The following SATB2 variants were observed in gnomAD, a reference collection of about 807,000 sequenced individuals.
SATB2 encodes the protein DNA-binding protein SATB2.
In SATB2, 1 loss-of-function variant was observed where a neutral mutation model predicts 73.4. That is an observed-to-expected ratio of 0.01 (90% CI 0.00 to 0.06). SATB2 has a LOEUF of 0.06. SATB2 is among the 10% of genes least tolerant of loss of function. The pLI is 1.00. For synonymous variants in SATB2, 397 were observed against 367.0 expected, an observed-to-expected ratio of 1.08 and a Z score of -0.93; for missense variants, 459 against 945.8, an observed-to-expected ratio of 0.49 and a Z score of 6.75.
At chr2:199,386,040 G>C (rs913388310) in intron 3 of SATB2, among the ~76,000 whole-genome samples, 1 of 152,120 alleles carries the variant, frequency 6.6e-6, no homozygotes, top group Non-Finnish European at 1.5e-5. Context: ...ATAGATCCTT[G>C]TAAGTTTCTT....
At chr2:199,327,502 A>G (rs1415063173) in intron 8 of SATB2, among the ~76,000 whole-genome samples, 1 of 152,172 alleles carries the variant, frequency 6.6e-6, no homozygotes, top group African/African-American at 2.4e-5. Flanking sequence ...GCACTCAGAC[A>G]GAACCTGCAA....
chr2:199,391,432 CAA>C lies in SATB2; in HGVS notation c.347-9614_347-9613del, dbSNP rs56190034. 2.3e-3 allele frequency among the ~76,000 whole-genome samples: 227 copies of C among 98,572 alleles called. 1 individual carries two copies. The highest frequency in any genetic ancestry group is 8.4e-3 in the African/African-American group (213 of 25,222). The allele number at this position is 98,572 out of a possible 152,430, so 64.7% of individuals were successfully genotyped here. A position where few individuals can be genotyped will look rare whatever the true frequency, so the allele number is the denominator to read the frequency against. Reference sequence around the variant, plus strand: ...TGGGCGACAGAGCAAGACTCCGTCTCAAAAAAAAAAAAAAAAAAAACAAAAAA... The same window carrying C: ...TGGGCGACAGAGCAAGACTCCGTCTCAAAAAAAAAAAAAAAAAACAAAAAA... On this transcript the variant is annotated intron_variant, in intron 3 of 10. Transcript: ENST00000417098.
rs1323623166 is a variant in SATB2, at chr2:199,328,738, G to C, written c.1346C>G (p.Ser449Cys). Residue 449 changes from serine to cysteine, a missense_variant, in exon 8 of 11, where the codon TCC (serine) becomes TGC (cysteine). Around this residue, in one of 13 missense-constraint regions of SATB2, gnomAD observed 53 missense variants for 70.5 expected, o/e 0.75. Transcript: ENST00000417098. The part of the protein sequence containing the change: ...RSMNPNVSMV[S>C]SASSSPSSSR... ...GGAGCTGGGACTGCTGGAGGCCGAG[G>C]AGACCATGCTCACATTGGGATTCAT... 6.2e-7 allele frequency: 1 copy of C among 1,613,650 alleles called. No homozygotes were observed. The highest frequency in any genetic ancestry group is 1.7e-5 in the Admixed American group (1 of 59,996).
At chr2:199,377,623 T>C (rs1689642690) in intron 5 of SATB2, among the ~76,000 whole-genome samples, 1 of 152,044 alleles carries the variant, frequency 6.6e-6, no homozygotes, top group Non-Finnish European at 1.5e-5. Flanking sequence ...TCTAGTGAAA[T>C]ATAAGGCTGA....
At chr2:199,306,752 C>T (rs1687444218) in intron 10 of SATB2, among the ~76,000 whole-genome samples, 1 of 152,104 alleles carries the variant, frequency 6.6e-6, no homozygotes, top group African/African-American at 2.4e-5. Context: ...TACCTAAATA[C>T]AGGGCCCAAC....
rs144887554 is a variant in SATB2 at position 199,398,734 on chromosome 2, G to A, written c.347-16914C>T. 4.7e-3 allele frequency among the ~76,000 whole-genome samples: 715 copies of A among 152,232 alleles called. 6 individuals carry two copies. Among genetic ancestry groups the A allele is most frequent in the Middle Eastern group, 0.024 (7 of 294 alleles). On this transcript the variant is annotated intron_variant, in intron 3 of 10. Coordinates refer to ENST00000417098, the MANE Select transcript of SATB2 (RefSeq NM_001172509.2). ...AATGTAAACTACTATTATTGTTGAT[G>A]TTACAAAGAGTAAACACAATAATAA...
chr2:199,355,548 C>T (rs185127028), intron 6 of SATB2, among the ~76,000 whole-genome samples: 1 of 151,948 alleles, frequency 6.6e-6, no homozygotes, highest in Non-Finnish European at 1.5e-5. Context: ...GGCACAGATG[C>T]CTGCCAATAA....
intron 10 of SATB2, among the ~76,000 whole-genome samples, chr2:199,300,601 T>G (rs1422585321): frequency 6.6e-6 from 1 of 152,140 alleles, no homozygotes; most frequent in African/African-American, 2.4e-5. Flanking sequence ...GAAGACTTTT[T>G]GTACCGATAT....
intron 3 of SATB2, among the ~76,000 whole-genome samples, chr2:199,420,847 T>G (rs1479342972): frequency 2.0e-5 from 3 of 152,254 alleles, no homozygotes; most frequent in Non-Finnish European, 4.4e-5. Context: ...TGTATACTTA[T>G]TTAATTATGA....
intron 10 of SATB2, among the ~76,000 whole-genome samples, chr2:199,283,146 C>T (rs922076746): frequency 6.7e-5 from 10 of 149,000 alleles, no homozygotes; most frequent in Admixed American, 2.7e-4. Context: ...TGCAATGGTG[C>T]GATCTCGGCT....
chr2:199,464,584 C>T lies in SATB2; in HGVS notation c.-141+252G>A, dbSNP rs984106069. 5.3e-5 allele frequency among the ~76,000 whole-genome samples: 8 copies of T among 152,256 alleles called. No homozygotes were observed. The highest frequency in any genetic ancestry group is 7.4e-5 in the Non-Finnish European group (5 of 68,012). On this transcript the variant is annotated intron_variant, in intron 1 of 11. Transcript: ENST00000260926. The surrounding 1 kb of genome is among the most constrained non-coding windows in gnomAD (Gnocchi z 6.6). ...CCTGGAGGTCTGAGACGCCCCGCGC[C>T]CGACTCACGGCGCGAACACCAGCGC...
intron 5 of SATB2, among the ~76,000 whole-genome samples, chr2:199,375,366 T>C (rs1268295561): frequency 6.6e-6 from 1 of 152,094 alleles, no homozygotes; most frequent in East Asian, 1.9e-4. Flanking sequence ...TAAACACACT[T>C]TGAAAGGTGA....
chr2:199,419,954 T>TA (rs1446219800), intron 3 of SATB2, among the ~76,000 whole-genome samples: 1 of 152,236 alleles, frequency 6.6e-6, no homozygotes, highest in Non-Finnish European at 1.5e-5. Flanking sequence ...TTTAATGAGT[T>TA]AATCTAGTTA....
intron 2 of SATB2, among the ~76,000 whole-genome samples, chr2:199,442,188 T>C (rs1691834963): frequency 1.3e-5 from 2 of 152,208 alleles, no homozygotes; most frequent in Non-Finnish European, 2.9e-5. Flanking sequence ...ATAGGCAGTG[T>C]CTGCCTAGCT....
chr2:199,423,968 T>G (rs2105916964), intron 3 of SATB2: 1 of 152,350 alleles, frequency 6.6e-6, no homozygotes, highest in East Asian at 1.9e-4. Flanking sequence ...GAGGGGGACC[T>G]CTGCGCTGTC....
chr2:199,456,828 G>A (rs1054688127), intron 1 of SATB2, among the ~76,000 whole-genome samples: 28 of 152,128 alleles, frequency 1.8e-4, no homozygotes, highest in Admixed American at 6.5e-5. Flanking sequence ...AAACACAAAA[G>A]CAAAAAGCAT....
rs561847110 is a variant in SATB2 at position 199,313,266 on chromosome 2, A to T, written c.1543-4309T>A. Among the ~76,000 whole-genome samples, 8 of 152,326 alleles carry T rather than the reference A, an allele frequency of 5.3e-5. No homozygotes were observed. In the South Asian group the frequency reaches 1.7e-3, roughly 32 times the overall value. On this transcript the variant is annotated intron_variant, in intron 9 of 10. Transcript: ENST00000417098. ...TGTGAGTCTAAAATTAGTTCAAAAT[A>T]AAAAGTTTTTTTTAGATACAGGAAA... is the stretch of plus-strand genomic sequence containing the variant.
rs976328391 is a variant in SATB2 at position 199,271,708 on chromosome 2, A to C, written c.*503T>G. ...TAATACATAAACAAGTCTTTTCTTT[A>C]AGAACTCATTTCACAGTCTATTCTT... is the stretch of plus-strand genomic sequence containing the variant. On this transcript the variant is annotated 3_prime_UTR_variant, in exon 11 of 11. Coordinates refer to ENST00000417098, the MANE Select transcript of SATB2 (RefSeq NM_001172509.2). The C allele has an allele frequency of 1.3e-5, 2 of 154,246 alleles. No homozygotes were observed. Among genetic ancestry groups the C allele is most frequent in the African/African-American group, 4.8e-5 (2 of 41,454 alleles). The allele number at this position is 154,246 out of a possible 1,614,324, so 9.6% of individuals were successfully genotyped here. A position where few individuals can be genotyped will look rare whatever the true frequency, so the allele number is the denominator to read the frequency against.
chr2:199,432,384 T>C (rs1459319611), intron 3 of SATB2, among the ~76,000 whole-genome samples: 1 of 152,216 alleles, frequency 6.6e-6, no homozygotes, highest in East Asian at 1.9e-4. Flanking sequence ...AGTATCCTTA[T>C]TGGTACAAAT....
Sources: gnomAD v4.1 joint callset for allele counts (sites outside exome capture counted in the v4.1 genomes callset) on GRCh38, gnomAD v4.1.1 for gene constraint, gnomAD v4.1.1 regional missense constraint, Gnocchi (gnomAD v3.1) non-coding constraint, MANE v1.5 for transcripts, NCBI Gene and HGNC (gene_info 2026-07-23, HGNC 2026-07-21) for gene names.